The following EFR3B variants were observed in gnomAD, a reference collection of about 807,000 sequenced individuals.
EFR3B encodes the protein protein EFR3 homolog B.
EFR3B carries 64 observed loss-of-function variants against 104.7 expected under a neutral mutation model. The ratio of observed to expected loss-of-function variants is 0.61; its 90% CI spans 0.50 to 0.75. The LOEUF (loss-of-function observed/expected upper bound fraction) is 0.75, where lower values mean the gene tolerates loss of function less well. Ranked by LOEUF, EFR3B falls within the 30% of genes least tolerant of loss-of-function variation. The pLI, the probability that EFR3B is intolerant of heterozygous loss-of-function variation, is 0.00. For synonymous variants in EFR3B, 385 were observed against 417.9 expected, an observed-to-expected ratio of 0.92 and a Z score of 0.96; for missense variants, 750 against 1,078.5, an observed-to-expected ratio of 0.70 and a Z score of 4.27.
rs1179789537 is a variant in EFR3B at position 25,157,525 on chromosome 2, T to G, written c.*3185T>G. ...TTTGCCACCCTTCTCTGATGTGATTTTGAGCGAAGAGGAGTCAGTAAGCCC... is the reference window on the plus strand; with the variant it reads ...TTTGCCACCCTTCTCTGATGTGATTGTGAGCGAAGAGGAGTCAGTAAGCCC... On this transcript the variant is annotated 3_prime_UTR_variant, in exon 23 of 23. Coordinates refer to ENST00000403714, the MANE Select transcript of EFR3B (RefSeq NM_014971.2). 2.0e-5 allele frequency: 3 copies of G among 152,300 alleles called. No individual in the cohort carries two copies. The highest frequency in any genetic ancestry group is 4.4e-5 in the Non-Finnish European group (3 of 68,114). 9.4% of individuals were successfully genotyped at this position (152,300 alleles called of 1,614,324 possible). A position where few individuals can be genotyped will look rare whatever the true frequency, so the allele number is the denominator to read the frequency against.
intron 16 of EFR3B, among the ~76,000 whole-genome samples, chr2:25,140,925 C>T (rs1473473760): frequency 3.3e-5 from 5 of 151,822 alleles, no homozygotes. Flanking sequence ...CCTGCAGTCT[C>T]AGTTACTCGG....
intron 1 of EFR3B, among the ~76,000 whole-genome samples, chr2:25,054,862 G>A (rs1667976267): frequency 6.6e-6 from 1 of 152,130 alleles, no homozygotes. Context: ...GTCCTCTAGA[G>A]GGCTGCCCAC....
chr2:25,108,370 C>A, intron 4 of EFR3B, among the ~76,000 whole-genome samples: 1 of 152,144 alleles, frequency 6.6e-6, no homozygotes, highest in East Asian at 1.9e-4. Flanking sequence ...TTTTTAAGGG[C>A]ACTTACTAAT....
At chr2:25,125,928 C>T (rs1433347651) in intron 5 of EFR3B, among the ~76,000 whole-genome samples, 3 of 151,836 alleles carry the variant, frequency 2.0e-5, no homozygotes, top group African/African-American at 7.3e-5. Context: ...AGCGAGACTC[C>T]GTCTCAAAAA....
chr2:25,137,275 G>A lies in EFR3B; in HGVS notation c.1561-66G>A, dbSNP rs192216285. The A allele has an allele frequency of 1.2e-4, 181 of 1,525,536 alleles. No individual in the cohort carries two copies. The highest frequency in any genetic ancestry group is 1.8e-4 in the Middle Eastern group (1 of 5,682). The allele number at this position is 1,525,536 out of a possible 1,614,324, so 94.5% of individuals were successfully genotyped here. On this transcript the variant is annotated intron_variant, in intron 14 of 22. Coordinates refer to ENST00000403714, the MANE Select transcript of EFR3B (RefSeq NM_014971.2). The surrounding 1 kb of genome is among the most constrained non-coding windows in gnomAD (Gnocchi z 4.7). ...CCCCCCTTCAGATTGGTCTTCCTCC[G>A]TGTTCTCCTTGCCCCTCCTGTCCCC...
chr2:25,090,214 G>A (rs905122192), intron 1 of EFR3B, among the ~76,000 whole-genome samples: 5 of 152,210 alleles, frequency 3.3e-5, no homozygotes, highest in South Asian at 2.1e-4. Flanking sequence ...CTTACTGGGC[G>A]GGAGGGAGGA....
At chr2:25,109,755 T>C (rs1214444089) in intron 4 of EFR3B, among the ~76,000 whole-genome samples, 1 of 152,170 alleles carries the variant, frequency 6.6e-6, no homozygotes, top group Non-Finnish European at 1.5e-5. Flanking sequence ...GGTATAGGGT[T>C]TCCTTTTGGG....
At chr2:25,134,368 C>T (rs60423777) in intron 12 of EFR3B, among the ~76,000 whole-genome samples, 45,451 of 151,918 alleles carry the variant, frequency 0.3, 7,357 homozygotes, top group Admixed American at 0.41. Flanking sequence ...CGGTGTTTCA[C>T]CATGTTGGCC....
In EFR3B at chr2:25,056,395, C is replaced by T. The variant is rs114951698; in HGVS notation, c.7+14076C>T. 9.5e-4 allele frequency among the ~76,000 whole-genome samples: 142 copies of T among 149,116 alleles called. 1 individual carries two copies. Among genetic ancestry groups the T allele is most frequent in the African/African-American group, 3.3e-3 (132 of 40,594 alleles). ...GGAAGGTCATTTAATGGTATAATTA[C>T]GGATAAGTCTCTATTTTGATTTCCA... On this transcript the variant is annotated intron_variant, in intron 1 of 22. Coordinates refer to ENST00000403714, the MANE Select transcript of EFR3B (RefSeq NM_014971.2).
intron 4 of EFR3B, among the ~76,000 whole-genome samples, chr2:25,112,748 T>C (rs765815420): frequency 1.3e-5 from 2 of 152,266 alleles, no homozygotes; most frequent in Non-Finnish European, 2.9e-5. Flanking sequence ...AAAGAAGCAG[T>C]TCTCCTTTCT....
intron 1 of EFR3B, chr2:25,080,998 T>C: frequency 2.6e-6 from 2 of 757,472 alleles, no homozygotes; most frequent in Non-Finnish European, 4.9e-6. Flanking sequence ...GGTTCTTTAA[T>C]TGCATCAGGA....
In EFR3B at chr2:25,130,643, C is replaced by T; in HGVS notation, c.849+13C>T. ...GTACTCAATTCAGGTATGGTGGCTC[C>T]CCTGGGCCAGCCGGATCCCAGGACA... On this transcript the variant is annotated intron_variant, in intron 8 of 22. Coordinates refer to ENST00000403714, the MANE Select transcript of EFR3B (RefSeq NM_014971.2). This position sits in a 1 kb window ranked among gnomAD's most constrained non-coding sequence, Gnocchi z 4.6. 1 of 1,550,024 alleles carries T rather than the reference C, an allele frequency of 6.5e-7. No homozygotes were observed.
Position 25,157,081 on chromosome 2 carries a change from G to A in EFR3B, c.*2741G>A, listed in dbSNP as rs1366869193. The A allele has an allele frequency of 1.3e-5, 2 of 152,200 alleles. No homozygotes were observed. The highest frequency in any genetic ancestry group is 4.8e-5 in the African/African-American group (2 of 41,440). 9.4% of individuals were successfully genotyped at this position (152,200 alleles called of 1,614,324 possible). On this transcript the variant is annotated 3_prime_UTR_variant, in exon 23 of 23. Coordinates refer to ENST00000403714, the MANE Select transcript of EFR3B (RefSeq NM_014971.2). Reference sequence around the variant, plus strand: ...CCCTCATCCCCATCCTGTGAATAGAGAGACAGAAAAGGTGCAGGTTCCCAT... The same window carrying A: ...CCCTCATCCCCATCCTGTGAATAGAAAGACAGAAAAGGTGCAGGTTCCCAT...
chr2:25,097,612 G>A (rs941081712), intron 3 of EFR3B, among the ~76,000 whole-genome samples: 1 of 152,156 alleles, frequency 6.6e-6, no homozygotes, highest in African/African-American at 2.4e-5. Context: ...TGGGGACGGC[G>A]GTGGGCAGCC....
intron 6 of EFR3B, among the ~76,000 whole-genome samples, chr2:25,129,343 C>T (rs867017112): frequency 4.6e-4 from 4 of 8,684 alleles, no homozygotes; most frequent in East Asian, 0.012. Flanking sequence ...GGGGCGGGGG[C>T]GGGGGCGGGG....
rs371718242 is a variant in EFR3B at position 25,152,040 on chromosome 2, G to C, written c.2298+20G>C. On this transcript the variant is annotated intron_variant, in intron 21 of 22. Coordinates refer to ENST00000403714, the MANE Select transcript of EFR3B (RefSeq NM_014971.2). Reference sequence around the variant, plus strand: ...GCCCGGGTAAGTGAAGCATGACATGGGCGAGTCCCTGGGAGCCAAGTCAAG... The same window carrying C: ...GCCCGGGTAAGTGAAGCATGACATGCGCGAGTCCCTGGGAGCCAAGTCAAG... The C allele has an allele frequency of 6.4e-7, 1 of 1,550,408 alleles. No individual in the cohort carries two copies.
Position 25,151,910 on chromosome 2 carries a change from G to T in EFR3B, c.2192-4G>T. The T allele has an allele frequency of 1.3e-6, 2 of 1,551,696 alleles. No homozygotes were observed. The highest frequency in any genetic ancestry group is 1.4e-5 in the African/African-American group (1 of 73,172). On this transcript the variant is annotated splice_region_variant and splice_polypyrimidine_tract_variant and intron_variant, in intron 20 of 22. Coordinates refer to ENST00000403714, the MANE Select transcript of EFR3B (RefSeq NM_014971.2). The stretch of plus-strand genomic sequence containing the variant: ...TGGCACTAACCCAGCTCTCTGTGTC[G>T]AAGTGGACAGCGTAGCAGTGGAGGA...
rs1353294758 is a variant in EFR3B, at chr2:25,129,959, G to A, written c.636-16G>A. ...CCTGCATGCCACCCTCTACCCATGT[G>A]CCTCTGTCTCCCCAGCCGGTCTCCC... On this transcript the variant is annotated splice_polypyrimidine_tract_variant and intron_variant, in intron 6 of 22. Coordinates refer to ENST00000403714, the MANE Select transcript of EFR3B (RefSeq NM_014971.2). The A allele has an allele frequency of 7.7e-6, 12 of 1,550,926 alleles. No individual in the cohort carries two copies. Among genetic ancestry groups the A allele is most frequent in the Non-Finnish European group, 1.0e-5 (12 of 1,146,940 alleles).
At chr2:25,145,391 G>A (rs1019455547) in intron 19 of EFR3B, 4 of 421,764 alleles carry the variant, frequency 9.5e-6, no homozygotes, top group Non-Finnish European at 1.3e-5. Context: ...GGCAATATAA[G>A]GAGACCCCAT....
Sources: gnomAD v4.1 joint callset for allele counts (sites outside exome capture counted in the v4.1 genomes callset) on GRCh38, gnomAD v4.1.1 for gene constraint, Gnocchi (gnomAD v3.1) non-coding constraint, MANE v1.5 for transcripts, NCBI Gene and HGNC (gene_info 2026-07-23, HGNC 2026-07-21) for gene names.